ROPN1: variants seen among roughly 807,000 people sequenced by gnomAD.
ROPN1 encodes rhophilin associated tail protein 1.
Under a neutral mutation model 20.5 loss-of-function variants are expected in ROPN1, and 14 were observed. The observed-to-expected ratio is 0.68, with a 90% CI of 0.45 to 1.07. The LOEUF (loss-of-function observed/expected upper bound fraction) is 1.07, where lower values mean the gene tolerates loss of function less well. Among genes scored for constraint, ROPN1 ranks in the 50% least tolerant of loss-of-function variants. The pLI, the probability that ROPN1 is intolerant of heterozygous loss-of-function variation, is 0.00. For missense variants in ROPN1, 169 were observed against 242.8 expected (o/e 0.70, Z 2.02); for synonymous variants, 76 against 95.7 (o/e 0.79, Z 1.20).
At chr3:123,973,365 C>A (rs2037951403) in intron 4 of ROPN1, among the ~76,000 whole-genome samples, 1 of 152,114 alleles carries the variant, frequency 6.6e-6, no homozygotes. Flanking sequence ...TATGTCAAGG[C>A]CTCTTAGAAT....
chr3:123,988,596 G>T (rs931928520), intron 1 of ROPN1, among the ~76,000 whole-genome samples: 1 of 152,066 alleles, frequency 6.6e-6, no homozygotes, highest in Non-Finnish European at 1.5e-5. Flanking sequence ...GCTATCCTTC[G>T]TAGCTAGTTG....
intron 1 of ROPN1, among the ~76,000 whole-genome samples, chr3:123,983,826 A>T (rs1461370491): frequency 6.6e-6 from 1 of 152,182 alleles, no homozygotes; most frequent in Non-Finnish European, 1.5e-5. Flanking sequence ...TAATCCTCAA[A>T]ATATCCCTAT....
chr3:123,991,764 C>T (rs1283006525), intron 1 of ROPN1, among the ~76,000 whole-genome samples, 158 bp downstream of exon 1: 2 of 152,268 alleles, frequency 1.3e-5, no homozygotes, highest in East Asian at 3.9e-4. Flanking sequence ...CCCCCACAGT[C>T]ACATTCTCTT....
At chr3:123,990,291 AAAGAGGAGGTGGAGGAGGAGGAAG>A (rs1313965612) in intron 1 of ROPN1, among the ~76,000 whole-genome samples, 47 of 152,112 alleles carry the variant, frequency 3.1e-4, no homozygotes, top group African/African-American at 1.1e-3. Context: ...AGGAGGAAGA[AAAGAGGAGGTGGAGGAGGAGGAAG>A]AAGAGAAGGT....
intron 5 of ROPN1, 91 bp from the exon 6 acceptor site, chr3:123,969,312 C>T (rs2037866651): frequency 1.1e-5 from 12 of 1,046,248 alleles, no homozygotes; most frequent in Admixed American, 2.0e-5. Flanking sequence ...CACATTAATT[C>T]TGCTGTTGCT....
chr3:123,980,567 G>A (rs2038121740), intron 1 of ROPN1, 74 bp from the exon 2 acceptor site: 1 of 1,387,042 alleles, frequency 7.2e-7, no homozygotes, highest in Non-Finnish European at 9.9e-7. Context: ...TGGACAGGAG[G>A]TCACCCAGCC....
chr3:123,980,644 GT>G, intron 1 of ROPN1, 151 bp from the exon 2 acceptor site: 1 of 588,818 alleles, frequency 1.7e-6, no homozygotes, highest in Non-Finnish European at 2.9e-6. Flanking sequence ...CAACGCCAAG[GT>G]TAGAAAACCA....
intron 1 of ROPN1, among the ~76,000 whole-genome samples, chr3:123,990,463 C>T (rs2038381982): frequency 6.6e-6 from 1 of 152,160 alleles, no homozygotes; most frequent in African/African-American, 2.4e-5. Context: ...ATTATCCCCC[C>T]ATGTTCCCAT....
Position 123,970,093 on chromosome 3 carries a change from T to TC in ROPN1, c.520dup (p.Glu174GlyfsTer22). On this transcript the variant is annotated frameshift_variant, in exon 5 of 6. Coordinates refer to ENST00000405845, the MANE Select transcript of ROPN1 (RefSeq NM_001317774.2). LOFTEE classifies it high-confidence loss of function. ...CCTGCTGACATGTGATGCAGAGATCTCCCCATCCACTTTGGCAATATACGT... is the reference window on the plus strand; with the variant it reads ...CCTGCTGACATGTGATGCAGAGATCTCCCCCATCCACTTTGGCAATATACGT... 6.2e-7 allele frequency: 1 copy of TC among 1,614,148 alleles called. No individual in the cohort carries two copies. The highest frequency in any genetic ancestry group is 8.5e-7 in the Non-Finnish European group (1 of 1,180,022).
At chr3:123,979,217 G>C (rs1178920032) in intron 2 of ROPN1, 1 of 321,584 alleles carries the variant, frequency 3.1e-6, no homozygotes, top group African/African-American at 2.2e-5. Flanking sequence ...TCCAGTCCAG[G>C]AGCACAGCAC....
intron 1 of ROPN1, among the ~76,000 whole-genome samples, chr3:123,984,671 C>T (rs945834324): frequency 6.6e-6 from 1 of 152,046 alleles, no homozygotes; most frequent in Admixed American, 6.6e-5. Flanking sequence ...TGATTTGTAC[C>T]TATAATTCTA....
chr3:123,969,468 C>G (rs2037870509), intron 5 of ROPN1, among the ~76,000 whole-genome samples: 3 of 152,170 alleles, frequency 2.0e-5, no homozygotes, highest in African/African-American at 7.2e-5. Flanking sequence ...GATACAGACA[C>G]ATACCACCAC....
chr3:123,987,208 C>T (rs2038280805), intron 1 of ROPN1, among the ~76,000 whole-genome samples: 1 of 152,236 alleles, frequency 6.6e-6, no homozygotes, highest in Non-Finnish European at 1.5e-5. Context: ...GGGGTCCCCT[C>T]CTTCCAGGGT....
At chr3:123,986,843 C>G (rs1181822695) in intron 1 of ROPN1, among the ~76,000 whole-genome samples, 5 of 152,234 alleles carry the variant, frequency 3.3e-5, no homozygotes, top group Non-Finnish European at 7.3e-5. Flanking sequence ...CTCCACTGAT[C>G]AGGCATGGTC....
chr3:123,980,837 AT>A (rs2038130609), intron 1 of ROPN1: 1 of 193,756 alleles, frequency 5.2e-6, no homozygotes, highest in Non-Finnish European at 1.0e-5. Flanking sequence ...AAATAAAAAA[AT>A]AAGATTATAC....
chr3:123,980,278 G>C (rs747765439), intron 2 of ROPN1, 88 bp downstream of exon 2: 1 of 1,224,996 alleles, frequency 8.2e-7, no homozygotes, highest in South Asian at 1.2e-5. Context: ...GGACTTCCTA[G>C]CTGCAGCCAT....
Position 123,969,211 on chromosome 3 carries a change from CA to C in ROPN1, c.582del (p.Asp195MetfsTer3), listed in dbSNP as rs1272713530. 2 of 1,613,566 alleles carry C rather than the reference CA, an allele frequency of 1.2e-6. No homozygotes were observed. Among genetic ancestry groups the C allele is most frequent in the African/African-American group, 2.7e-5 (2 of 74,912 alleles). Reference protein sequence around the residue: ...LNYMEQEVIGPDGIITVNDFT... With the variant: ...LNYMEQEVIGXDGIITVNDFT... The stretch of plus-strand genomic sequence containing the variant: ...AAGTCATTCACTGTGATTATACCAT[CA>C]GGGCCAATTCTGTTTGGAAAAAGGT... On this transcript the variant is annotated frameshift_variant, in exon 6 of 6. Transcript: ENST00000405845. LOFTEE classifies it high-confidence loss of function.
Position 123,988,004 on chromosome 3 carries a change from T to C in ROPN1, c.-13+3918A>G, listed in dbSNP as rs372373867. On this transcript the variant is annotated intron_variant, in intron 1 of 5. Transcript: ENST00000405845. ...GGCATGTAAACTATGTCCTGTAAAG[T>C]TGTGCAACATGGTTCCCTGATTTGG... is the stretch of plus-strand genomic sequence containing the variant. Among the ~76,000 whole-genome samples the C allele has an allele frequency of 7.2e-5, 11 of 152,364 alleles. No individual in the cohort carries two copies. In the East Asian group the frequency reaches 1.5e-3, roughly 21 times the overall value.
chr3:123,985,206 T>C (rs2038226209), intron 1 of ROPN1, among the ~76,000 whole-genome samples: 1 of 152,266 alleles, frequency 6.6e-6, no homozygotes, highest in African/African-American at 2.4e-5. Flanking sequence ...CTATTGTTTC[T>C]GTGCCGAAGG....
Sources: allele counts gnomAD v4.1 joint callset (sites outside exome capture counted in the v4.1 genomes callset), GRCh38; gene constraint gnomAD v4.1.1; transcripts MANE v1.5; gene names NCBI Gene and HGNC (gene_info 2026-07-23, HGNC 2026-07-21).